The following TENM3 variants were observed in gnomAD, a reference collection of about 807,000 sequenced individuals.
The protein encoded by TENM3 is teneurin transmembrane protein 3, also known as teneurin-3.
Under a neutral mutation model 255.1 loss-of-function variants are expected in TENM3, and 63 were observed. The observed-to-expected ratio is 0.25, with a 90% CI of 0.20 to 0.30. The LOEUF is 0.30. TENM3 is among the 10% of genes least tolerant of loss of function. The probability of loss-of-function intolerance (pLI) is 1.00; values close to 1 mark genes in which losing one functional copy is unlikely to be tolerated. For synonymous variants in TENM3, 1,306 were observed against 1,322.3 expected, an observed-to-expected ratio of 0.99 and a Z score of 0.27; for missense variants, 2,929 against 3,461.1, an observed-to-expected ratio of 0.85 and a Z score of 3.86.
At chr4:181,476,221 T>TG in the TENM3 span, among the ~76,000 whole-genome samples, 1 of 144,940 alleles carries the variant, frequency 6.9e-6, no homozygotes, top group African/African-American at 2.5e-5. Context: ...TTTTTTTTTT[T>TG]TTTGACATTG....
chr4:182,530,429 A>C (rs1739655680), intron 3 of TENM3, among the ~76,000 whole-genome samples: 1 of 152,206 alleles, frequency 6.6e-6, no homozygotes, highest in African/African-American at 2.4e-5. Context: ...GTGAAACAGA[A>C]GGGGAATGTA....
At chr4:182,448,204 G>A (rs1032453148) in intron 3 of TENM3, among the ~76,000 whole-genome samples, 4 of 152,214 alleles carry the variant, frequency 2.6e-5, no homozygotes, top group South Asian at 2.1e-4. Context: ...AGGGCGCAGA[G>A]CAGCCCCCGC....
chr4:182,481,743 C>T (rs1734225356), intron 3 of TENM3, among the ~76,000 whole-genome samples: 1 of 152,120 alleles, frequency 6.6e-6, no homozygotes, highest in Admixed American at 6.5e-5. Context: ...TTCAGTGAGC[C>T]GAGATGGTGC....
At chr4:181,717,987 C>T in the TENM3 span, among the ~76,000 whole-genome samples, 8 of 152,160 alleles carry the variant, frequency 5.3e-5, no homozygotes, top group African/African-American at 1.9e-4. Context: ...CTTCTGGATG[C>T]TGGTTTACTG....
chr4:182,634,242 G>C (rs1751649243), intron 5 of TENM3, among the ~76,000 whole-genome samples: 1 of 152,158 alleles, frequency 6.6e-6, no homozygotes, highest in African/African-American at 2.4e-5. Flanking sequence ...AAATTGTGCT[G>C]TTTTTCATTA....
intron 3 of TENM3, among the ~76,000 whole-genome samples, chr4:182,580,489 T>C (rs1157119304): frequency 6.6e-6 from 1 of 151,180 alleles, no homozygotes; most frequent in South Asian, 2.1e-4. Context: ...TTCACAAAGA[T>C]TTTTTTTTTC....
At chr4:181,719,536 C>T in the TENM3 span, among the ~76,000 whole-genome samples, 20 of 152,296 alleles carry the variant, frequency 1.3e-4, no homozygotes, top group African/African-American at 4.8e-4. Flanking sequence ...TGTCCTCACA[C>T]GGTGGAAGCG....
chr4:182,398,648 G>A (rs1561406221), intron 3 of TENM3, among the ~76,000 whole-genome samples: 1 of 152,180 alleles, frequency 6.6e-6, no homozygotes, highest in Admixed American at 6.5e-5. Flanking sequence ...CTTGAAACAG[G>A]GGTGTTACAG....
the TENM3 span, among the ~76,000 whole-genome samples, chr4:181,486,550 C>T: frequency 2.1e-4 from 32 of 152,288 alleles, no homozygotes; most frequent in African/African-American, 3.6e-4. Flanking sequence ...CTAAATGAAT[C>T]GCAGATAAAA....
At chr4:181,764,591 T>C in the TENM3 span, among the ~76,000 whole-genome samples, 1 of 152,246 alleles carries the variant, frequency 6.6e-6, no homozygotes, top group Non-Finnish European at 1.5e-5. Context: ...TGTTAAGAAT[T>C]ATTTTTCAGC....
At chr4:182,536,414 G>A (rs1439887878) in intron 3 of TENM3, among the ~76,000 whole-genome samples, 3 of 152,222 alleles carry the variant, frequency 2.0e-5, no homozygotes, top group Non-Finnish European at 4.4e-5. Context: ...GAGCAAAATA[G>A]CTGCCAATAG....
At chr4:181,762,119 A>G in the TENM3 span, among the ~76,000 whole-genome samples, 2 of 152,176 alleles carry the variant, frequency 1.3e-5, no homozygotes, top group African/African-American at 4.8e-5. Context: ...CACAGAATTC[A>G]GAAGGGAGTA....
chr4:182,773,053 T>C (rs532634007), intron 22 of TENM3, among the ~76,000 whole-genome samples: 8 of 152,362 alleles, frequency 5.3e-5, no homozygotes, highest in Admixed American at 2.0e-4. Flanking sequence ...GTAAACATAC[T>C]GTACTGTACT....
chr4:182,174,916 A>T (rs1040754333), intron 1 of TENM3, among the ~76,000 whole-genome samples: 1 of 150,274 alleles, frequency 6.7e-6, no homozygotes, highest in Admixed American at 6.7e-5. Context: ...AAGTTTTATT[A>T]CAAGTATTGA....
At chr4:181,498,486 C>T in the TENM3 span, among the ~76,000 whole-genome samples, 1 of 151,974 alleles carries the variant, frequency 6.6e-6, no homozygotes, top group Non-Finnish European at 1.5e-5. Context: ...AAGCTTAAGA[C>T]GATGGTAAAG....
At chr4:182,406,139 C>G (rs534469886) in intron 3 of TENM3, among the ~76,000 whole-genome samples, 2 of 152,152 alleles carry the variant, frequency 1.3e-5, no homozygotes, top group South Asian at 4.2e-4. Context: ...AACCCTGTCT[C>G]TACCAAAAAT....
At chr4:182,121,065 C>A in the TENM3 span, among the ~76,000 whole-genome samples, 6 of 152,082 alleles carry the variant, frequency 3.9e-5, no homozygotes, top group African/African-American at 1.4e-4. Context: ...GTGGCATGAT[C>A]TTGGCTCACT....
chr4:181,830,988 G>A, the TENM3 span, among the ~76,000 whole-genome samples: 2 of 151,996 alleles, frequency 1.3e-5, no homozygotes, highest in Non-Finnish European at 2.9e-5. Flanking sequence ...ATTAGACACC[G>A]GCCTCATCAA....
intron 3 of TENM3, among the ~76,000 whole-genome samples, chr4:182,453,181 A>T (rs1773607957): frequency 6.6e-6 from 1 of 152,144 alleles, no homozygotes; most frequent in Non-Finnish European, 1.5e-5. Context: ...AAGTTTTGAA[A>T]TGTCTACTCT....
Sources: gnomAD v4.1 joint callset for allele counts (sites outside exome capture counted in the v4.1 genomes callset) on GRCh38, gnomAD v4.1.1 for gene constraint, MANE v1.5 for transcripts, NCBI Gene and HGNC (gene_info 2026-07-23, HGNC 2026-07-21) for gene names.